The following ROBO1 variants were observed in gnomAD, a reference collection of about 807,000 sequenced individuals.
ROBO1 encodes roundabout homolog 1.
In ROBO1, 149 loss-of-function variants were observed where a neutral mutation model predicts 195.9. The ratio of observed to expected loss-of-function variants is 0.76; its 90% CI spans 0.67 to 0.87. The LOEUF (loss-of-function observed/expected upper bound fraction) is 0.87. Ranked by LOEUF, ROBO1 falls within the 40% of genes least tolerant of loss-of-function variation. The pLI, the probability that ROBO1 is intolerant of heterozygous loss-of-function variation, is 0.00. For missense variants in ROBO1, 1,933 were observed against 2,068.3 expected (o/e 0.93, Z 1.27); for synonymous variants, 816 against 733.2 (o/e 1.11, Z -1.82).
At chr3:78,686,729 A>T (rs564599369) in intron 9 of ROBO1, among the ~76,000 whole-genome samples, 194 of 152,172 alleles carry the variant, frequency 1.3e-3, no homozygotes, top group Non-Finnish European at 2.4e-3. Context: ...AAATTCAAGG[A>T]TACCATTTTG....
chr3:79,042,415 G>T (rs1329553224), intron 3 of ROBO1, among the ~76,000 whole-genome samples: 1 of 152,160 alleles, frequency 6.6e-6, no homozygotes, highest in African/African-American at 2.4e-5. Context: ...TCCGATGGCG[G>T]TCGCACAGCT....
chr3:79,382,248 A>AT (rs1163904139), intron 2 of ROBO1, among the ~76,000 whole-genome samples: 1 of 152,210 alleles, frequency 6.6e-6, no homozygotes, highest in East Asian at 1.9e-4. Context: ...TCAAGAATAT[A>AT]TTTTTAAAAA....
chr3:79,368,514 AG>A (rs769791225), intron 2 of ROBO1, among the ~76,000 whole-genome samples: 1 of 151,950 alleles, frequency 6.6e-6, no homozygotes, highest in Non-Finnish European at 1.5e-5. Flanking sequence ...GGGAGCTCAG[AG>A]CTCCCAGCTC....
At chr3:78,678,544 C>T (rs1277517109) in intron 10 of ROBO1, among the ~76,000 whole-genome samples, 1 of 152,166 alleles carries the variant, frequency 6.6e-6, no homozygotes, top group Non-Finnish European at 1.5e-5. Context: ...ATACTACAAA[C>T]ACCTCTACGC....
chr3:78,708,889 C>T (rs2081614391), intron 8 of ROBO1, among the ~76,000 whole-genome samples: 1 of 152,132 alleles, frequency 6.6e-6, no homozygotes. Context: ...GCCAGCTATC[C>T]TAACACTCGT....
rs535016424 is a variant in ROBO1, at chr3:79,201,842, A to G, written c.89-76303T>C. On this transcript the variant is annotated intron_variant, in intron 2 of 30. Coordinates refer to ENST00000464233, the MANE Select transcript of ROBO1 (RefSeq NM_002941.4). ...AGGTATTATTGTTGTAGTAATAATT[A>G]TTCATTGCATAGTATTATATAATAT... Among the ~76,000 whole-genome samples, 4 of 150,884 alleles carry G rather than the reference A, an allele frequency of 2.7e-5. No individual in the cohort carries two copies. The East Asian group carries it at 7.8e-4, about 29-fold the overall frequency.
chr3:78,607,243 T>G, intron 28 of ROBO1: 3 of 567,306 alleles, frequency 5.3e-6, no homozygotes, highest in Non-Finnish European at 9.2e-6. Flanking sequence ...GACAGGGTCT[T>G]ACTCTGTCAT....
chr3:78,677,586 C>T (rs960681307), intron 10 of ROBO1, among the ~76,000 whole-genome samples: 1 of 151,560 alleles, frequency 6.6e-6, no homozygotes, highest in African/African-American at 2.4e-5. Context: ...AAGGCCATTA[C>T]ATAATGGTAA....
intron 2 of ROBO1, among the ~76,000 whole-genome samples, chr3:79,561,192 A>C (rs1023885628): frequency 5.3e-5 from 8 of 152,142 alleles, no homozygotes; most frequent in Non-Finnish European, 1.2e-4. Context: ...TCTTAAAGAG[A>C]AGTTAACCAT....
At chr3:79,763,752 G>T (rs1704835878) in intron 1 of ROBO1, among the ~76,000 whole-genome samples, 1 of 152,084 alleles carries the variant, frequency 6.6e-6, no homozygotes, top group Admixed American at 6.5e-5. Flanking sequence ...TTCTGAAAAA[G>T]TTATTTACTG....
At chr3:79,613,307 AGTAATTG>A (rs1944721810) in intron 1 of ROBO1, among the ~76,000 whole-genome samples, 1 of 152,050 alleles carries the variant, frequency 6.6e-6, no homozygotes, top group African/African-American at 2.4e-5. Context: ...CATAATGAAA[AGTAATTG>A]GTTTGGGATT....
At chr3:79,000,225 A>G (rs545175648) in intron 3 of ROBO1, among the ~76,000 whole-genome samples, 29 of 152,242 alleles carry the variant, frequency 1.9e-4, no homozygotes, top group African/African-American at 5.3e-4. Context: ...GCACAGCAAA[A>G]GAGGAAAAGC....
chr3:79,413,676 T>G (rs1448346342), intron 2 of ROBO1, among the ~76,000 whole-genome samples: 1 of 152,204 alleles, frequency 6.6e-6, no homozygotes, highest in Non-Finnish European at 1.5e-5. Context: ...AAAGGCAGAC[T>G]ATTCTGAATC....
At chr3:79,425,461 AG>A (rs1341675565) in intron 2 of ROBO1, among the ~76,000 whole-genome samples, 1 of 152,170 alleles carries the variant, frequency 6.6e-6, no homozygotes, top group African/African-American at 2.4e-5. Flanking sequence ...TGGATTTAGA[AG>A]GTCTTTTTAT....
intron 4 of ROBO1, among the ~76,000 whole-genome samples, chr3:78,866,867 C>T (rs757500635): frequency 6.6e-6 from 1 of 152,088 alleles, no homozygotes; most frequent in Non-Finnish European, 1.5e-5. Flanking sequence ...TTCTAGACCA[C>T]GAAAGATCTC....
chr3:79,537,583 G>A (rs1309730860), intron 2 of ROBO1, among the ~76,000 whole-genome samples: 2 of 152,066 alleles, frequency 1.3e-5, no homozygotes, highest in South Asian at 2.1e-4. Context: ...AGAAGCCATG[G>A]GTGGGTGTAC....
chr3:79,487,872 C>T (rs1939245275), intron 2 of ROBO1, among the ~76,000 whole-genome samples: 1 of 151,520 alleles, frequency 6.6e-6, no homozygotes, highest in Non-Finnish European at 1.5e-5. Context: ...ATATTTTTTC[C>T]CTAGATAGAA....
chr3:78,685,634 A>T, intron 10 of ROBO1, 112 bp downstream of exon 10: 1 of 635,068 alleles, frequency 1.6e-6, no homozygotes, highest in Non-Finnish European at 2.5e-6. Context: ...TAGGTTTTAC[A>T]CTAAAATAGC....
chr3:78,799,490 C>T (rs2084293484), intron 4 of ROBO1, among the ~76,000 whole-genome samples: 1 of 152,012 alleles, frequency 6.6e-6, no homozygotes, highest in Non-Finnish European at 1.5e-5. Flanking sequence ...TACAGGCGCC[C>T]ACCACCATGC....
Sources: allele counts gnomAD v4.1 joint callset (sites outside exome capture counted in the v4.1 genomes callset), GRCh38; gene constraint gnomAD v4.1.1; transcripts MANE v1.5; gene names NCBI Gene and HGNC (gene_info 2026-07-23, HGNC 2026-07-21).